Variants in DCAF8L2 observed in about 807,000 individuals in gnomAD.
DCAF8L2 encodes the protein DDB1- and CUL4-associated factor 8-like protein 2.
For synonymous variants in DCAF8L2, 200 were observed against 190.9 expected (o/e 1.05, Z -0.39); for missense variants, 430 against 490.7 (o/e 0.88, Z 1.17).
rs1436876564 is a variant in DCAF8L2 at position 27,664,257 on chromosome X, AG to A, written c.-219-13575del. On this transcript the variant is annotated intron_variant, in intron 2 of 4. Coordinates refer to ENST00000451261, the MANE Select transcript of DCAF8L2 (RefSeq NM_001353450.2). ...CTAGTCAACGTATCAATGATAAGAA[AG>A]GGGAAAAAACCTCAGTGCTGATATG... 3.6e-5 allele frequency among the ~76,000 whole-genome samples: 4 copies of A among 111,393 alleles called. No individual in the cohort carries two copies. The East Asian group carries it at 1.1e-3, about 32-fold the overall frequency.
At chrX:27,542,930 T>C in the DCAF8L2 span, among the ~76,000 whole-genome samples, 1 of 112,005 alleles carries the variant, frequency 8.9e-6, no homozygotes, top group African/African-American at 3.2e-5. Flanking sequence ...TCCTATTCTG[T>C]ATGTCTTCTG....
At chrX:27,603,486 T>A in intron 1 of DCAF8L2, among the ~76,000 whole-genome samples, 1 of 112,084 alleles carries the variant, frequency 8.9e-6, no homozygotes, top group East Asian at 2.8e-4. Context: ...GCCTGCATTA[T>A]AAAGTTCAAA....
the DCAF8L2 span, among the ~76,000 whole-genome samples, chrX:27,509,951 A>G: frequency 1.8e-5 from 2 of 111,504 alleles, no homozygotes; most frequent in African/African-American, 6.5e-5. Context: ...AATAAGAGGC[A>G]CTTTTCTTTC....
chrX:27,546,128 A>G, the DCAF8L2 span, among the ~76,000 whole-genome samples: 1 of 111,847 alleles, frequency 8.9e-6, no homozygotes, highest in African/African-American at 3.2e-5. Context: ...GCATTCTGGT[A>G]AATACACCCA....
intron 3 of DCAF8L2, among the ~76,000 whole-genome samples, chrX:27,679,444 T>C (rs1456138275): frequency 1.8e-5 from 2 of 111,475 alleles, no homozygotes; most frequent in Non-Finnish European, 3.8e-5. Context: ...CTGTGCAAAT[T>C]ACTAATGCCT....
chrX:27,581,075 A>G, the DCAF8L2 span, among the ~76,000 whole-genome samples: 2 of 112,066 alleles, frequency 1.8e-5, no homozygotes, highest in African/African-American at 3.2e-5. Context: ...TATGGTATGT[A>G]TTTTATACTT....
At chrX:27,639,780 G>C (rs1297371506) in intron 2 of DCAF8L2, among the ~76,000 whole-genome samples, 1 of 111,114 alleles carries the variant, frequency 9.0e-6, no homozygotes, top group Non-Finnish European at 1.9e-5. Context: ...GCTGCCACTT[G>C]GATGTCAACT....
chrX:27,714,006 T>G (rs1405293877), intron 3 of DCAF8L2, among the ~76,000 whole-genome samples: 1 of 111,830 alleles, frequency 8.9e-6, no homozygotes, highest in African/African-American at 3.2e-5. Flanking sequence ...ATGACCCTTA[T>G]ATAGGTAGAA....
chrX:27,743,176 G>A (rs768526841), intron 4 of DCAF8L2, among the ~76,000 whole-genome samples: 6 of 109,742 alleles, frequency 5.5e-5, no homozygotes, highest in African/African-American at 2.0e-4. Context: ...CGATCTCCCA[G>A]GCCCAAGGGA....
chrX:27,514,135 C>A, the DCAF8L2 span, among the ~76,000 whole-genome samples: 1 of 110,967 alleles, frequency 9.0e-6, no homozygotes, highest in Non-Finnish European at 1.9e-5. Flanking sequence ...TGTATATGTA[C>A]ACATATGTAT....
At chrX:27,732,516 G>T (rs1569196133) in intron 4 of DCAF8L2, among the ~76,000 whole-genome samples, 1 of 108,214 alleles carries the variant, frequency 9.2e-6, no homozygotes, top group Non-Finnish European at 1.9e-5. Context: ...GTGTGTGTGT[G>T]TCAAGGTGCC....
the DCAF8L2 span, among the ~76,000 whole-genome samples, chrX:27,488,062 A>C: frequency 8.9e-6 from 1 of 112,200 alleles, no homozygotes; most frequent in African/African-American, 3.2e-5. Flanking sequence ...ATATTTTATG[A>C]ATCAATTTTC....
In DCAF8L2 at chrX:27,622,307, C is replaced by T. The variant is rs1040755464; in HGVS notation, c.-341-9572C>T. On this transcript the variant is annotated intron_variant, in intron 1 of 4. Transcript: ENST00000451261. ...GGGCGTAGTGGCGGACACCTGTATT[C>T]CTAGCTACTAGGGAGGCTGAGGCAG... Among the ~76,000 whole-genome samples, 141 of 101,635 alleles carry T rather than the reference C, an allele frequency of 1.4e-3. 5 individuals carry two copies. The highest frequency in any genetic ancestry group is 1.6e-3 in the Admixed American group (16 of 9,908). The allele number at this position is 101,635 out of a possible 115,157, so 88.3% of individuals were successfully genotyped here. A position where few individuals can be genotyped will look rare whatever the true frequency, so the allele number is the denominator to read the frequency against.
intron 3 of DCAF8L2, among the ~76,000 whole-genome samples, chrX:27,702,265 C>T (rs1410355138): frequency 9.2e-6 from 1 of 108,637 alleles, no homozygotes; most frequent in African/African-American, 3.4e-5. Flanking sequence ...ACTGTAAATT[C>T]TACCAAACAA....
the DCAF8L2 span, among the ~76,000 whole-genome samples, chrX:27,474,100 G>T: frequency 5.4e-5 from 6 of 111,276 alleles, no homozygotes; most frequent in Admixed American, 1.9e-4. Context: ...TTTCAGGGAA[G>T]TGTCAGTTGC....
chrX:27,643,327 A>T (rs760550268), intron 2 of DCAF8L2, among the ~76,000 whole-genome samples: 17 of 112,313 alleles, frequency 1.5e-4, no homozygotes, highest in Non-Finnish European at 3.2e-4. Context: ...CCTGATGATT[A>T]GTGAAGGTGA....
At chrX:27,606,346 TATATATCTAGGA>T (rs1444663012) in intron 1 of DCAF8L2, among the ~76,000 whole-genome samples, 96 of 67,916 alleles carry the variant, frequency 1.4e-3, no homozygotes, top group Middle Eastern at 7.8e-3. Flanking sequence ...AGGAATTATA[TATATATCTAGGA>T]ATATATATAT....
Position 27,747,869 on chromosome X carries a change from C to T in DCAF8L2, c.974C>T (p.Ala325Val). 1 of 1,210,032 alleles carries T rather than the reference C, an allele frequency of 8.3e-7. No homozygotes were observed. Among genetic ancestry groups the T allele is most frequent in the Non-Finnish European group, 1.1e-6 (1 of 894,329 alleles). ...AQHRGPAHKLALEPDSPYKFL... is the reference protein window; with the variant it reads ...AQHRGPAHKLVLEPDSPYKFL... ...CACAGGGGACCTGCCCACAAGTTGG[C>T]TCTGGAGCCTGACTCTCCTTATAAG... The change falls in exon 5 of 5, where the codon GCT becomes GTT. Residue 325 changes from alanine to valine, a missense_variant. Physicochemically the swap from Ala to Val is moderately conservative, Grantham distance 64 (BLOSUM62 0). Transcript: ENST00000451261.
At chrX:27,617,797 CAATA>C (rs1927550501) in intron 1 of DCAF8L2, among the ~76,000 whole-genome samples, 1 of 111,218 alleles carries the variant, frequency 9.0e-6, no homozygotes, top group Admixed American at 9.6e-5. Context: ...ATGATTTAGA[CAATA>C]AATAAAGTGA....
Sources: gnomAD v4.1 joint callset for allele counts (sites outside exome capture counted in the v4.1 genomes callset) on GRCh38, gnomAD v4.1.1 for gene constraint, MANE v1.5 for transcripts, NCBI Gene and HGNC (gene_info 2026-07-23, HGNC 2026-07-21) for gene names.